NECTIN1: variants seen among roughly 807,000 people sequenced by gnomAD.
NECTIN1 encodes the protein nectin cell adhesion molecule 1, also known as nectin-1.
In NECTIN1, 23 loss-of-function variants were observed where a neutral mutation model predicts 48.0. That is an observed-to-expected ratio of 0.48 (90% CI 0.34 to 0.68). NECTIN1 has a LOEUF of 0.68. Ranked by LOEUF, NECTIN1 falls within the 30% of genes least tolerant of loss-of-function variation. The pLI, the probability that NECTIN1 is intolerant of heterozygous loss-of-function variation, is 0.01. For synonymous variants in NECTIN1, 270 were observed against 288.9 expected, an observed-to-expected ratio of 0.93 and a Z score of 0.66; for missense variants, 591 against 709.9, an observed-to-expected ratio of 0.83 and a Z score of 1.90.
chr11:119,658,333 C>T (rs1864609312), downstream of NECTIN1, among the ~76,000 whole-genome samples: 2 of 152,146 alleles, frequency 1.3e-5, no homozygotes, highest in Admixed American at 6.6e-5. Context: ...GAACCGCAGT[C>T]CCCCATAGAG....
At chr11:119,694,440 T>C (rs571196903) in intron 1 of NECTIN1, among the ~76,000 whole-genome samples, 5 of 152,156 alleles carry the variant, frequency 3.3e-5, no homozygotes, top group Admixed American at 6.5e-5. Context: ...GATAAGCAAA[T>C]AGCTCAAGCC....
At chr11:119,687,846 C>T (rs572425793) in intron 1 of NECTIN1, among the ~76,000 whole-genome samples, 12 of 152,330 alleles carry the variant, frequency 7.9e-5, no homozygotes, top group East Asian at 5.8e-4. Flanking sequence ...CCAACCCTCC[C>T]GATGCCCTGT....
chr11:119,651,703 C>T (rs1445994736), intron 5 of NECTIN1, among the ~76,000 whole-genome samples: 3 of 152,126 alleles, frequency 2.0e-5, no homozygotes, highest in Admixed American at 6.5e-5. Context: ...CTGGAAGCTG[C>T]CCTTGGCCAC....
rs1865116382 is a variant in NECTIN1 at position 119,684,301 on chromosome 11, G to A, written c.80-5536C>T. On this transcript the variant is annotated intron_variant, in intron 1 of 5. Transcript: ENST00000264025. The surrounding 1 kb of genome is among the most constrained non-coding windows in gnomAD (Gnocchi z 5.2). Reference sequence around the variant, plus strand: ...AGCCCACCCCAGCCCCTCCTTTCCTGAGACTCTGCCTGGGGGCCTTGAAGT... The same window carrying A: ...AGCCCACCCCAGCCCCTCCTTTCCTAAGACTCTGCCTGGGGGCCTTGAAGT... Among the ~76,000 whole-genome samples, 1 of 152,232 alleles carries A rather than the reference G, an allele frequency of 6.6e-6. No homozygotes were observed. Among genetic ancestry groups the A allele is most frequent in the South Asian group, 2.1e-4 (1 of 4,834 alleles).
intron 5 of NECTIN1, chr11:119,674,563 T>C (rs372287683): frequency 3.0e-5 from 48 of 1,614,056 alleles, no homozygotes; most frequent in Middle Eastern, 3.3e-4. Flanking sequence ...AAGCCCATGC[T>C]CCTTTCACGT....
intron 1 of NECTIN1, chr11:119,713,829 G>T (rs2134337150): frequency 2.2e-6 from 1 of 455,822 alleles, no homozygotes; most frequent in Non-Finnish European, 4.4e-6. Context: ...AGTTCGGCGA[G>T]GGGAGGCACT....
At chr11:119,681,974 G>T (rs1382403709) in intron 1 of NECTIN1, among the ~76,000 whole-genome samples, 1 of 152,144 alleles carries the variant, frequency 6.6e-6, no homozygotes, top group African/African-American at 2.4e-5. Flanking sequence ...GGAGCAAGGG[G>T]CTTAGGGTCA....
intron 5 of NECTIN1, among the ~76,000 whole-genome samples, chr11:119,650,551 G>A (rs1864474125): frequency 6.6e-6 from 1 of 152,178 alleles, no homozygotes. Flanking sequence ...GTGGAGTTAG[G>A]CTGGTGCAGT....
At chr11:119,724,166 C>T (rs1364111996) in intron 1 of NECTIN1, among the ~76,000 whole-genome samples, 1 of 152,174 alleles carries the variant, frequency 6.6e-6, no homozygotes, top group African/African-American at 2.4e-5. Flanking sequence ...CCCCTCCCCA[C>T]ACACACCATG....
chr11:119,697,906 C>G (rs1235130925), intron 1 of NECTIN1, among the ~76,000 whole-genome samples: 1 of 152,270 alleles, frequency 6.6e-6, no homozygotes, highest in Non-Finnish European at 1.5e-5. Flanking sequence ...AGAGGACAGG[C>G]AGGATGGGCT....
chr11:119,644,957 A>C (rs889327215), intron 5 of NECTIN1, among the ~76,000 whole-genome samples: 60 of 152,306 alleles, frequency 3.9e-4, no homozygotes, highest in African/African-American at 1.4e-3. Flanking sequence ...CCCTGGGGAC[A>C]CAGACACTAC....
chr11:119,670,759 GC>G (rs1048183509), intron 5 of NECTIN1, among the ~76,000 whole-genome samples: 1 of 144,284 alleles, frequency 6.9e-6, no homozygotes, highest in Non-Finnish European at 1.5e-5. Flanking sequence ...CAATTCTTGT[GC>G]CTCAGCCTCC....
rs1864672538 is a variant in NECTIN1 at position 119,661,878 on chromosome 11, G to A, written c.*2869C>T. On this transcript the variant is annotated 3_prime_UTR_variant, in exon 6 of 6. Transcript: ENST00000264025. The stretch of plus-strand genomic sequence containing the variant: ...CACATGCCTGCGCGTGGGTGTGTTG[G>A]AGGTGTGAGTGTGTCCACTGTGGGC... 1 of 985,278 alleles carries A rather than the reference G, an allele frequency of 1.0e-6. No homozygotes were observed. The highest frequency in any genetic ancestry group is 1.2e-6 in the Non-Finnish European group (1 of 829,996). 61.0% of individuals were successfully genotyped at this position (985,278 alleles called of 1,614,324 possible).
In NECTIN1 at chr11:119,664,714, G is replaced by C; in HGVS notation, c.*33C>G. 2 of 1,564,616 alleles carry C rather than the reference G, an allele frequency of 1.3e-6. No individual in the cohort carries two copies. The highest frequency in any genetic ancestry group is 1.7e-6 in the Non-Finnish European group (2 of 1,152,080). On this transcript the variant is annotated 3_prime_UTR_variant, in exon 6 of 6. Coordinates refer to ENST00000264025, the MANE Select transcript of NECTIN1 (RefSeq NM_002855.5). ...GGGCGTGCGGGGAGGGGCTGGGGAG[G>C]AGCGGTCACAGACAGAGGCTCTGGA... is the stretch of plus-strand genomic sequence containing the variant.
chr11:119,646,848 G>T (rs1264064959), intron 5 of NECTIN1, among the ~76,000 whole-genome samples: 2 of 152,194 alleles, frequency 1.3e-5, no homozygotes, highest in Non-Finnish European at 2.9e-5. Flanking sequence ...CAACGTTTTC[G>T]TCTGTGAAAT....
Position 119,716,855 on chromosome 11 carries a change from C to A in NECTIN1, c.79+11620G>T, listed in dbSNP as rs1373358002. 2.6e-5 allele frequency among the ~76,000 whole-genome samples: 4 copies of A among 152,242 alleles called. No homozygotes were observed. The East Asian group carries it at 7.7e-4, about 29-fold the overall frequency. ...TCAGAAGCAGGCGCGTGCACACGCGCGCGCACGCACGCACGCACACACACA... is the reference window on the plus strand; with the variant it reads ...TCAGAAGCAGGCGCGTGCACACGCGAGCGCACGCACGCACGCACACACACA... On this transcript the variant is annotated intron_variant, in intron 1 of 5. Coordinates refer to ENST00000264025, the MANE Select transcript of NECTIN1 (RefSeq NM_002855.5).
At chr11:119,687,200 G>A (rs1865173862) in intron 1 of NECTIN1, 1 of 151,906 alleles carries the variant, frequency 6.6e-6, no homozygotes, top group African/African-American at 2.4e-5. Flanking sequence ...TTGCTTCCCC[G>A]AGACATTTCT....
chr11:119,728,581 C>A lies in NECTIN1; in HGVS notation c.-28G>T, dbSNP rs1222924150. 2.0e-6 allele frequency: 3 copies of A among 1,514,178 alleles called. No individual in the cohort carries two copies. The highest frequency in any genetic ancestry group is 2.8e-5 in the African/African-American group (2 of 71,720). 93.8% of individuals were successfully genotyped at this position (1,514,178 alleles called of 1,614,324 possible). On this transcript the variant is annotated 5_prime_UTR_variant, in exon 1 of 6. Coordinates refer to ENST00000264025, the MANE Select transcript of NECTIN1 (RefSeq NM_002855.5). ...GGGGCCGGGGGTCCGGCGAGAGGGG[C>A]GGCGAGGGCAGCGCTCCTCGCGCAG...
At chr11:119,685,259 G>T (rs912594232) in intron 1 of NECTIN1, among the ~76,000 whole-genome samples, 22 of 152,250 alleles carry the variant, frequency 1.4e-4, no homozygotes, top group Admixed American at 1.1e-3. Context: ...AAAAACTGCT[G>T]ATGTTTTCCT....
Sources: gnomAD v4.1 joint callset for allele counts (sites outside exome capture counted in the v4.1 genomes callset) on GRCh38, gnomAD v4.1.1 for gene constraint, Gnocchi (gnomAD v3.1) non-coding constraint, MANE v1.5 for transcripts, NCBI Gene and HGNC (gene_info 2026-07-23, HGNC 2026-07-21) for gene names.